Variants in PRKN observed in about 807,000 individuals in gnomAD.
The protein encoded by PRKN is parkin RBR E3 ubiquitin protein ligase, also known as E3 ubiquitin-protein ligase parkin.
A neutral mutation model predicts 59.5 loss-of-function variants in PRKN; 56 were observed. The ratio of observed to expected loss-of-function variants is 0.94; its 90% CI spans 0.76 to 1.18. The LOEUF is 1.18. Ranked by LOEUF, PRKN falls within the 50% of genes most tolerant of loss-of-function variation. PRKN has a pLI of 0.00. For synonymous variants in PRKN, 250 were observed against 222.1 expected, an observed-to-expected ratio of 1.13 and a Z score of -1.12; for missense variants, 657 against 596.4, an observed-to-expected ratio of 1.10 and a Z score of -1.06.
intron 2 of PRKN, among the ~76,000 whole-genome samples, chr6:162,412,418 C>G (rs1461822784): frequency 2.6e-5 from 4 of 151,884 alleles, no homozygotes; most frequent in Non-Finnish European, 5.9e-5. Flanking sequence ...GACACCTAAG[C>G]CACCGCCTCC....
chr6:162,626,076 C>T (rs924593124), intron 1 of PRKN, among the ~76,000 whole-genome samples: 7 of 152,122 alleles, frequency 4.6e-5, no homozygotes, highest in African/African-American at 1.7e-4. Context: ...CAATAGGTAT[C>T]GCTGGCAACC....
intron 4 of PRKN, among the ~76,000 whole-genome samples, chr6:162,190,193 C>T (rs1333942501): frequency 6.6e-6 from 1 of 152,164 alleles, no homozygotes; most frequent in East Asian, 1.9e-4. Flanking sequence ...AACAAACCCA[C>T]TTGGCTAACT....
chr6:162,702,682 A>G (rs2128237066), intron 1 of PRKN, among the ~76,000 whole-genome samples: 1 of 152,346 alleles, frequency 6.6e-6, no homozygotes, highest in South Asian at 2.1e-4. Flanking sequence ...AAAGCAATGT[A>G]ATCACATCTT....
At chr6:161,719,520 G>A (rs1787131388) in intron 7 of PRKN, among the ~76,000 whole-genome samples, 2 of 152,194 alleles carry the variant, frequency 1.3e-5, no homozygotes, top group Non-Finnish European at 2.9e-5. Flanking sequence ...GGGCTATCAT[G>A]TGTGATTATG....
At position 161,631,793 on chromosome 6, in the gene PRKN, A is replaced by ACACACCCC. The variant is rs151114616; in HGVS notation, c.872-62378_872-62377insGGGGTGTG. Among the ~76,000 whole-genome samples, 8 of 147,186 alleles carry ACACACCCC rather than the reference A, an allele frequency of 5.4e-5. No homozygotes were observed. In the East Asian group the frequency reaches 1.4e-3, roughly 25 times the overall value. Reference sequence around the variant, plus strand: ...GACAAACACACACACACACACACACACCCCACACACACACATTCCTCAGGG... The same window carrying ACACACCCC: ...GACAAACACACACACACACACACACACACACCCCCCCCACACACACACATTCCTCAGGG... On this transcript the variant is annotated intron_variant, in intron 7 of 11. Coordinates refer to ENST00000366898, the MANE Select transcript of PRKN (RefSeq NM_004562.3).
At chr6:162,641,569 T>A (rs1007023386) in intron 1 of PRKN, among the ~76,000 whole-genome samples, 1 of 152,132 alleles carries the variant, frequency 6.6e-6, no homozygotes, top group African/African-American at 2.4e-5. Context: ...AACTTCGTGT[T>A]TGTTTACATT....
In PRKN at chr6:161,777,780, TATATGTATATATG is replaced by T. The variant is rs1790003155; in HGVS notation, c.871+7979_871+7991del. ...ATGTATATGTATATATGTATATATG[TATATGTATATATG>T]ATATATGTATATATGTATATATGTG... On this transcript the variant is annotated intron_variant, in intron 7 of 11. Coordinates refer to ENST00000366898, the MANE Select transcript of PRKN (RefSeq NM_004562.3). 2.1e-5 allele frequency among the ~76,000 whole-genome samples: 3 copies of T among 142,374 alleles called. 1 individual carries two copies. The highest frequency in any genetic ancestry group is 2.0e-4 in the East Asian group (1 of 5,080). 93.4% of individuals were successfully genotyped at this position (142,374 alleles called of 152,430 possible). A position where few individuals can be genotyped will look rare whatever the true frequency, so the allele number is the denominator to read the frequency against.
At chr6:162,510,901 C>T (rs1583696466) in intron 1 of PRKN, among the ~76,000 whole-genome samples, 1 of 151,860 alleles carries the variant, frequency 6.6e-6, no homozygotes, top group South Asian at 2.1e-4. Flanking sequence ...CCACCCTGGG[C>T]AATAGAGCGA....
chr6:161,837,037 C>T (rs79631239), intron 6 of PRKN, among the ~76,000 whole-genome samples: 2,908 of 152,226 alleles, frequency 0.019, 105 homozygotes, highest in African/African-American at 0.066. Flanking sequence ...GCATCCCCTG[C>T]GCTCTGTCTT....
At chr6:161,927,951 G>A (rs1223296245) in intron 6 of PRKN, among the ~76,000 whole-genome samples, 4 of 152,160 alleles carry the variant, frequency 2.6e-5, no homozygotes, top group Non-Finnish European at 5.9e-5. Context: ...TTTGCTTACT[G>A]TTGTAGACCA....
intron 1 of PRKN, chr6:162,569,399 C>T (rs1780217810): frequency 3.0e-6 from 2 of 672,758 alleles, no homozygotes; most frequent in Non-Finnish European, 5.7e-6. Context: ...GCATGAGTAC[C>T]AGAAGCTGAA....
intron 9 of PRKN, among the ~76,000 whole-genome samples, chr6:161,510,013 T>G (rs1193611723): frequency 1.3e-5 from 2 of 152,104 alleles, no homozygotes; most frequent in South Asian, 2.1e-4. Context: ...GTTTTGCCCA[T>G]GGGCTCCTGC....
chr6:162,397,054 T>G lies in PRKN; in HGVS notation c.171+46256A>C, dbSNP rs151085886. Among the ~76,000 whole-genome samples, 295 of 152,264 alleles carry G rather than the reference T, an allele frequency of 1.9e-3. 4 individuals are homozygous for G. The highest frequency in any genetic ancestry group is 2.0e-3 in the Non-Finnish European group (139 of 68,020). ...CCGAGGACAGCGCAATAAGGGTCAC[T>G]CCTATGACTTTTGCTGGAACTATTA... On this transcript the variant is annotated intron_variant, in intron 2 of 11. Transcript: ENST00000366898.
Position 161,362,192 on chromosome 6 carries a change from TC to T in PRKN, c.1168-1988del, listed in dbSNP as rs1235359396. On this transcript the variant is annotated intron_variant, in intron 10 of 11. Coordinates refer to ENST00000366898, the MANE Select transcript of PRKN (RefSeq NM_004562.3). The surrounding 1 kb of genome is among the most constrained non-coding windows in gnomAD (Gnocchi z 5.2). ...CATACTGCATGTGAAGGGCAATTTC[TC>T]CCAGGTCCACACACCTAAAAATGCT... Among the ~76,000 whole-genome samples, 1 of 152,204 alleles carries T rather than the reference TC, an allele frequency of 6.6e-6. No individual in the cohort carries two copies. The highest frequency in any genetic ancestry group is 6.5e-5 in the Admixed American group (1 of 15,276).
chr6:162,530,308 G>T (rs1194803760), intron 1 of PRKN, among the ~76,000 whole-genome samples: 1 of 152,170 alleles, frequency 6.6e-6, no homozygotes, highest in East Asian at 1.9e-4. Context: ...GCTGTAGGCA[G>T]CTGGGTACTC....
chr6:161,748,680 G>A (rs533869516), intron 7 of PRKN, among the ~76,000 whole-genome samples: 3 of 152,132 alleles, frequency 2.0e-5, no homozygotes, highest in Non-Finnish European at 4.4e-5. Flanking sequence ...GTTATTTTCT[G>A]CAGGTGCCTT....
Position 161,369,920 on chromosome 6 carries a change from C to A in PRKN, c.1168-9715G>T. On this transcript the variant is annotated intron_variant, in intron 10 of 11. Transcript: ENST00000366898. This position sits in a 1 kb window ranked among gnomAD's most constrained non-coding sequence, Gnocchi z 5.8. ...ATCTGTGGCTCAAGAGGAATAACCT[C>A]ACAAGGGTCATCGTGAGTAAGATCA... The A allele has an allele frequency of 2.5e-6, 1 of 406,276 alleles. No homozygotes were observed. Among genetic ancestry groups the A allele is most frequent in the Non-Finnish European group, 5.3e-6 (1 of 189,946 alleles). The allele number at this position is 406,276 out of a possible 1,614,324, so 25.2% of individuals were successfully genotyped here.
At chr6:162,180,396 C>G (rs73594213) in intron 4 of PRKN, among the ~76,000 whole-genome samples, 2,729 of 152,252 alleles carry the variant, frequency 0.018, 86 homozygotes, top group African/African-American at 0.062. Context: ...CAAAACACAT[C>G]ATGTACCACA....
intron 2 of PRKN, among the ~76,000 whole-genome samples, chr6:162,351,032 A>T (rs1348179837): frequency 1.3e-5 from 2 of 152,016 alleles, no homozygotes; most frequent in African/African-American, 4.8e-5. Flanking sequence ...AAAAATAAAA[A>T]AATAATAAAA....
Sources: gnomAD v4.1 joint callset for allele counts (sites outside exome capture counted in the v4.1 genomes callset) on GRCh38, gnomAD v4.1.1 for gene constraint, Gnocchi (gnomAD v3.1) non-coding constraint, MANE v1.5 for transcripts, NCBI Gene and HGNC (gene_info 2026-07-23, HGNC 2026-07-21) for gene names.